Variants in SLAMF7 observed in about 807,000 individuals in gnomAD.
The protein encoded by SLAMF7 is 19A24 protein.
SLAMF7 carries 26 observed loss-of-function variants against 34.1 expected under a neutral mutation model. The observed-to-expected ratio is 0.76, with a 90% CI of 0.56 to 1.06. The LOEUF is 1.06. Among genes scored for constraint, SLAMF7 ranks in the 50% least tolerant of loss-of-function variants. The pLI, the probability that SLAMF7 is intolerant of heterozygous loss-of-function variation, is 0.00. For missense variants in SLAMF7, 399 were observed against 402.5 expected (o/e 0.99, Z 0.07); for synonymous variants, 171 against 156.4 (o/e 1.09, Z -0.70).
intron 1 of SLAMF7, among the ~76,000 whole-genome samples, chr1:160,745,835 A>G (rs116652664): frequency 0.012 from 1,840 of 152,358 alleles, 30 homozygotes; most frequent in African/African-American, 0.042. Flanking sequence ...AGTGTTAGGC[A>G]TACTCTTTAC....
intron 1 of SLAMF7, among the ~76,000 whole-genome samples, chr1:160,740,306 A>AT (rs1663634523): frequency 6.6e-6 from 1 of 151,668 alleles, no homozygotes; most frequent in Non-Finnish European, 1.5e-5. Flanking sequence ...CAAAAAAAAA[A>AT]CTCCCTGAAC....
chr1:160,752,281 T>A (rs1249092614), intron 6 of SLAMF7, 33 bp downstream of exon 6: 44 of 1,557,848 alleles, frequency 2.8e-5, no homozygotes, highest in Non-Finnish European at 3.9e-5. Flanking sequence ...TTCATCTTAA[T>A]GGTTCCATTT....
intron 1 of SLAMF7, chr1:160,739,824 A>T (rs1270150448): frequency 6.5e-6 from 1 of 155,000 alleles, no homozygotes; most frequent in Non-Finnish European, 1.4e-5. Flanking sequence ...GGAAAGAATC[A>T]CTTGAATTTT....
intron 1 of SLAMF7, 98 bp from the exon 2 acceptor site, chr1:160,748,096 G>A (rs1664273679): frequency 8.1e-7 from 1 of 1,235,396 alleles, no homozygotes; most frequent in South Asian, 1.5e-5. Context: ...GTGTTGGACT[G>A]AGTGGGTTTC....
At chr1:160,741,335 G>T (rs1287957601) in intron 1 of SLAMF7, among the ~76,000 whole-genome samples, 2 of 152,194 alleles carry the variant, frequency 1.3e-5, no homozygotes, top group East Asian at 3.8e-4. Context: ...ACAAGGAAGA[G>T]GGGGCAGGAG....
At chr1:160,739,431 T>C (rs896401533) in intron 1 of SLAMF7, 75 bp downstream of exon 1, 70 of 1,335,332 alleles carry the variant, frequency 5.2e-5, no homozygotes, top group Non-Finnish European at 6.9e-5. Context: ...TGTTCCACTC[T>C]GGGCCTCTGG....
chr1:160,750,471 C>A, intron 4 of SLAMF7, 48 bp downstream of exon 4: 1 of 1,595,028 alleles, frequency 6.3e-7, no homozygotes, highest in South Asian at 1.1e-5. Flanking sequence ...TGTTTTTCTC[C>A]TTCACTGATT....
chr1:160,753,190 T>G lies in SLAMF7; in HGVS notation c.*13T>G. 6.3e-7 allele frequency: 1 copy of G among 1,599,720 alleles called. No homozygotes were observed. The highest frequency in any genetic ancestry group is 8.5e-7 in the Non-Finnish European group (1 of 1,171,028). On this transcript the variant is annotated 3_prime_UTR_variant, in exon 7 of 7. Transcript: ENST00000368043. ...GAATGTTATCTAGACAGCAGTGCAC[T>G]CCCCTAAGTCTCTGCTCAAAAAAAA...
intron 2 of SLAMF7, among the ~76,000 whole-genome samples, chr1:160,749,291 T>C (rs1321214357): frequency 3.9e-5 from 6 of 152,196 alleles, no homozygotes; most frequent in South Asian, 2.1e-4. Flanking sequence ...CTCAAACCCA[T>C]GAGTAGAGAA....
intron 4 of SLAMF7, 45 bp from the exon 5 acceptor site, chr1:160,751,298 TGA>T: frequency 7.4e-7 from 1 of 1,357,076 alleles, no homozygotes; most frequent in Non-Finnish European, 1.1e-6. Context: ...GTGGAAGTGG[TGA>T]GTGGTTGGAG....
intron 4 of SLAMF7, 112 bp downstream of exon 4, chr1:160,750,535 C>A: frequency 7.6e-7 from 1 of 1,308,374 alleles, no homozygotes; most frequent in Non-Finnish European, 1.1e-6. Context: ...GTTGAAGATG[C>A]AGAGATGAAG....
In SLAMF7 at chr1:160,748,470, C is replaced by T. The variant is rs760989248; in HGVS notation, c.332C>T (p.Ser111Leu). The T allele has an allele frequency of 6.2e-7, 1 of 1,614,064 alleles. No individual in the cohort carries two copies. The highest frequency in any genetic ancestry group is 1.7e-5 in the Admixed American group (1 of 60,014). Residue 111 changes from serine (S) to leucine (L), a missense_variant, in exon 2 of 7, where the codon TCA becomes TTA. Transcript: ENST00000368043. ...GIYYVGIYSS[S>L]LQQPSTQEYV... is the part of the protein sequence containing the mutation. The stretch of plus-strand genomic sequence containing the variant: ...TACTATGTGGGGATATACAGCTCAT[C>T]ACTCCAGCAGCCCTCCACCCAGGAG...
intron 1 of SLAMF7, among the ~76,000 whole-genome samples, chr1:160,743,398 G>T (rs1362465328): frequency 1.3e-5 from 2 of 152,208 alleles, no homozygotes; most frequent in Non-Finnish European, 2.9e-5. Context: ...GTGGCCACAT[G>T]TGAGTGGCAG....
intron 1 of SLAMF7, among the ~76,000 whole-genome samples, chr1:160,741,949 G>A (rs556234875): frequency 4.6e-4 from 70 of 152,190 alleles, no homozygotes; most frequent in African/African-American, 1.7e-3. Flanking sequence ...TTTTCATGAG[G>A]AGAGTGCCAC....
At chr1:160,743,845 C>T (rs528058661) in intron 1 of SLAMF7, among the ~76,000 whole-genome samples, 13 of 152,260 alleles carry the variant, frequency 8.5e-5, no homozygotes, top group South Asian at 6.2e-4. Flanking sequence ...AATGCCACCA[C>T]GCCCAACTAA....
intron 5 of SLAMF7, 125 bp downstream of exon 5, chr1:160,751,573 C>T (rs1361559838): frequency 1.4e-6 from 1 of 718,112 alleles, no homozygotes; most frequent in Non-Finnish European, 2.4e-6. Flanking sequence ...ACTTAAAACT[C>T]AATGCACCTG....
chr1:160,739,240 G>A (rs1185108384), upstream of SLAMF7: 7 of 1,439,136 alleles, frequency 4.9e-6, no homozygotes, highest in African/African-American at 1.4e-5. Context: ...CTGGGGAAGA[G>A]GTCTGAGTAA....
intron 1 of SLAMF7, among the ~76,000 whole-genome samples, chr1:160,745,438 G>T (rs962540614): frequency 2.6e-5 from 4 of 152,244 alleles, no homozygotes; most frequent in Non-Finnish European, 5.9e-5. Flanking sequence ...CCAGGTCCCA[G>T]AGCTGGAGAG....
chr1:160,748,582 A>G, intron 2 of SLAMF7, 68 bp downstream of exon 2: 1 of 1,410,176 alleles, frequency 7.1e-7, no homozygotes, highest in Non-Finnish European at 9.8e-7. Flanking sequence ...GACATGAGAG[A>G]TGTTTAAGCA....
Sources: gnomAD v4.1 joint callset for allele counts (sites outside exome capture counted in the v4.1 genomes callset) on GRCh38, gnomAD v4.1.1 for gene constraint, MANE v1.5 for transcripts, NCBI Gene and HGNC (gene_info 2026-07-23, HGNC 2026-07-21) for gene names.